The following LRP1B variants were observed in gnomAD, a reference collection of about 807,000 sequenced individuals.
LRP1B encodes the protein LDL receptor related protein 1B, also known as low-density lipoprotein receptor-related protein 1B.
In LRP1B, 217 loss-of-function variants were observed where a neutral mutation model predicts 556.6. The observed-to-expected ratio is 0.39, with a 90% CI of 0.35 to 0.44. The LOEUF is 0.44. Among genes scored for constraint, LRP1B ranks in the 20% least tolerant of loss-of-function variants. LRP1B has a pLI of 1.00. For missense variants in LRP1B, 5,053 were observed against 5,620.8 expected (o/e 0.90, Z 3.23); for synonymous variants, 2,047 against 1,865.8 (o/e 1.10, Z -2.50).
chr2:140,316,606 G>A (rs1387598390), intron 82 of LRP1B, among the ~76,000 whole-genome samples: 2 of 150,676 alleles, frequency 1.3e-5, no homozygotes, highest in African/African-American at 4.9e-5. Flanking sequence ...ACCCGTGTAG[G>A]TCCTGGTTCT....
rs1266727147 is a variant in LRP1B at position 141,013,638 on chromosome 2, C to A, written c.2298G>T (p.Leu766Phe). ...YMNGSIFQLD[L>F]ITSEVTLLRH... is the part of the protein sequence containing the mutation. ...TCAGCAATGTCACCTCACTTGTTAT[C>A]AAATCTAGTTGAAAAATGGAACCAT... Residue 766 changes from leucine (L) to phenylalanine (F), a missense_variant, in exon 14 of 91, where the codon TTG (leucine) becomes TTT (phenylalanine). Leu to Phe is a conservative substitution (Grantham distance 22, BLOSUM62 0). Coordinates refer to ENST00000389484, the MANE Select transcript of LRP1B (RefSeq NM_018557.3). The A allele has an allele frequency of 1.2e-6, 2 of 1,612,388 alleles. No individual in the cohort carries two copies. The highest frequency in any genetic ancestry group is 1.7e-6 in the Non-Finnish European group (2 of 1,179,066).
chr2:141,709,038 T>C (rs1018898367), intron 2 of LRP1B, among the ~76,000 whole-genome samples: 21 of 152,104 alleles, frequency 1.4e-4, no homozygotes, highest in African/African-American at 5.1e-4. Flanking sequence ...CATATAACTT[T>C]TATAGTCTTT....
intron 3 of LRP1B, among the ~76,000 whole-genome samples, chr2:141,264,621 A>C (rs999962185): frequency 6.6e-6 from 1 of 151,796 alleles, no homozygotes; most frequent in African/African-American, 2.4e-5. Flanking sequence ...CACCCGGATA[A>C]ATTTTGTATT....
intron 80 of LRP1B, among the ~76,000 whole-genome samples, chr2:140,324,833 A>G (rs1464282501): frequency 1.3e-5 from 2 of 151,250 alleles, no homozygotes. Context: ...AAGCCAGAAC[A>G]AGTTAACTTC....
intron 1 of LRP1B, among the ~76,000 whole-genome samples, chr2:141,862,653 T>G (rs1316605194): frequency 6.6e-6 from 1 of 152,162 alleles, no homozygotes; most frequent in African/African-American, 2.4e-5. Flanking sequence ...GTGATCCACC[T>G]GCATTGGCCT....
intron 1 of LRP1B, among the ~76,000 whole-genome samples, chr2:142,114,608 A>G (rs1442017532): frequency 1.3e-5 from 2 of 152,134 alleles, no homozygotes; most frequent in Non-Finnish European, 2.9e-5. Context: ...CAATTCTGTC[A>G]TTTACAGCAA....
intron 1 of LRP1B, among the ~76,000 whole-genome samples, chr2:142,072,953 T>C (rs1705374797): frequency 6.6e-6 from 1 of 152,050 alleles, no homozygotes; most frequent in Admixed American, 6.6e-5. Flanking sequence ...GGTAAAGTTA[T>C]TTTGCTCTTG....
intron 41 of LRP1B, among the ~76,000 whole-genome samples, chr2:140,632,847 A>G (rs1450916595): frequency 6.6e-6 from 1 of 152,118 alleles, no homozygotes; most frequent in African/African-American, 2.4e-5. Flanking sequence ...GTGGGTCACG[A>G]GGTCAGGAGA....
At chr2:141,706,517 C>T (rs562771932) in intron 2 of LRP1B, among the ~76,000 whole-genome samples, 23 of 152,156 alleles carry the variant, frequency 1.5e-4, no homozygotes, top group South Asian at 2.1e-4. Context: ...TGGTGAGTAT[C>T]CTGTTACACC....
At chr2:141,698,199 T>C (rs544411467) in intron 2 of LRP1B, among the ~76,000 whole-genome samples, 2 of 151,800 alleles carry the variant, frequency 1.3e-5, no homozygotes, top group Non-Finnish European at 2.9e-5. Context: ...AGTCACTCAG[T>C]GATTGCTTCT....
intron 3 of LRP1B, among the ~76,000 whole-genome samples, chr2:141,341,851 A>T (rs1044055067): frequency 3.3e-5 from 5 of 152,176 alleles, no homozygotes; most frequent in African/African-American, 4.8e-5. Context: ...AACTGCATAG[A>T]TATAAACTTT....
intron 82 of LRP1B, among the ~76,000 whole-genome samples, chr2:140,316,599 C>A (rs768900108): frequency 3.3e-5 from 5 of 152,026 alleles, no homozygotes; most frequent in Non-Finnish European, 1.5e-5. Flanking sequence ...TAATGAGACC[C>A]GTGTAGGTCC....
intron 1 of LRP1B, among the ~76,000 whole-genome samples, chr2:141,887,464 C>G (rs1378114031): frequency 2.6e-5 from 4 of 152,248 alleles, no homozygotes; most frequent in Admixed American, 1.3e-4. Flanking sequence ...GTTGTCTTCA[C>G]CCTTTACTGC....
At chr2:140,978,010 G>C (rs180793496) in intron 18 of LRP1B, among the ~76,000 whole-genome samples, 1 of 152,028 alleles carries the variant, frequency 6.6e-6, no homozygotes, top group African/African-American at 2.4e-5. Context: ...TTCAACACAG[G>C]CTTCACAATT....
intron 1 of LRP1B, among the ~76,000 whole-genome samples, chr2:141,987,947 T>C (rs1180811674): frequency 6.6e-6 from 1 of 151,916 alleles, no homozygotes; most frequent in African/African-American, 2.4e-5. Flanking sequence ...AAGTGGCGTA[T>C]GCAAAGGATT....
At chr2:142,073,549 G>A (rs575730097) in intron 1 of LRP1B, among the ~76,000 whole-genome samples, 2 of 152,042 alleles carry the variant, frequency 1.3e-5, no homozygotes, top group South Asian at 2.1e-4. Context: ...ATTTGGGATT[G>A]TGCCTTACCC....
intron 2 of LRP1B, among the ~76,000 whole-genome samples, chr2:141,792,481 G>C (rs899513116): frequency 5.9e-5 from 9 of 151,970 alleles, no homozygotes; most frequent in Admixed American, 1.3e-4. Flanking sequence ...CTCCATCAGA[G>C]AGTCAGTTAT....
At chr2:140,830,377 A>G (rs1691674036) in intron 31 of LRP1B, among the ~76,000 whole-genome samples, 1 of 152,098 alleles carries the variant, frequency 6.6e-6, no homozygotes, top group African/African-American at 2.4e-5. Flanking sequence ...ACCAAATTCG[A>G]CAACATATTG....
At chr2:140,696,841 A>G (rs915596338) in intron 41 of LRP1B, among the ~76,000 whole-genome samples, 8 of 152,148 alleles carry the variant, frequency 5.3e-5, no homozygotes, top group African/African-American at 1.9e-4. Flanking sequence ...TCTTCCATCA[A>G]ACCAGTTCTT....
Sources: allele counts gnomAD v4.1 joint callset (sites outside exome capture counted in the v4.1 genomes callset), GRCh38; gene constraint gnomAD v4.1.1; transcripts MANE v1.5; gene names NCBI Gene and HGNC (gene_info 2026-07-23, HGNC 2026-07-21).